The following PPP6R3 variants were observed in gnomAD, a reference collection of about 807,000 sequenced individuals.
PPP6R3 encodes the protein serine/threonine-protein phosphatase 6 regulatory subunit 3.
Under a neutral mutation model 110.7 loss-of-function variants are expected in PPP6R3, and 38 were observed. The ratio of observed to expected loss-of-function variants is 0.34; its 90% CI spans 0.26 to 0.45. The LOEUF (loss-of-function observed/expected upper bound fraction) is 0.45. PPP6R3 is among the 20% of genes least tolerant of loss of function. The pLI is 1.00. For synonymous variants in PPP6R3, 369 were observed against 373.5 expected (o/e 0.99, Z 0.14); for missense variants, 870 against 1,062.4 (o/e 0.82, Z 2.52).
chr11:68,510,917 A>G (rs569456007), intron 1 of PPP6R3, among the ~76,000 whole-genome samples: 16 of 152,266 alleles, frequency 1.1e-4, no homozygotes, highest in African/African-American at 3.4e-4. Flanking sequence ...GACATGGAAG[A>G]TAAGGATTGG....
intron 3 of PPP6R3, among the ~76,000 whole-genome samples, chr11:68,538,497 AC>A (rs2099284037): frequency 1.3e-5 from 2 of 152,146 alleles, no homozygotes; most frequent in South Asian, 4.1e-4. Flanking sequence ...TCCATATCCA[AC>A]TCTATTGAAA....
Position 68,590,511 on chromosome 11 carries a change from A to C in PPP6R3, c.1731-149A>C, listed in dbSNP as rs1366699000. ...AATACCAAGGGAGCTGGCATCATTT[A>C]ATATAAGAAGGTTGTTTCTGTTTGT... On this transcript the variant is annotated intron_variant, in intron 16 of 23. Transcript: ENST00000393800. 3 of 859,956 alleles carry C rather than the reference A, an allele frequency of 3.5e-6. No individual in the cohort carries two copies. In the African/African-American group the frequency reaches 5.1e-5, roughly 15 times the overall value. 53.3% of individuals were successfully genotyped at this position (859,956 alleles called of 1,614,324 possible). A position where few individuals can be genotyped will look rare whatever the true frequency, so the allele number is the denominator to read the frequency against.
At chr11:68,602,961 G>A (rs993246230) in intron 21 of PPP6R3, among the ~76,000 whole-genome samples, 2 of 152,120 alleles carry the variant, frequency 1.3e-5, no homozygotes, top group African/African-American at 4.8e-5. Flanking sequence ...ACAAAGCAAA[G>A]CAAATAGAGC....
intron 2 of PPP6R3, among the ~76,000 whole-genome samples, chr11:68,534,237 A>C (rs1340042462): frequency 6.6e-6 from 1 of 152,216 alleles, no homozygotes; most frequent in African/African-American, 2.4e-5. Flanking sequence ...TGCAGAAAGC[A>C]AAGTGGGTGT....
chr11:68,574,327 ACTT>A (rs1251518394), intron 13 of PPP6R3, 103 bp downstream of exon 13: 3 of 853,140 alleles, frequency 3.5e-6, no homozygotes, highest in East Asian at 2.7e-5. Context: ...GATTTGTGGG[ACTT>A]CTTTATATTT....
chr11:68,569,812 T>C lies in PPP6R3; in HGVS notation c.1193T>C (p.Leu398Pro), dbSNP rs765880615. The change falls in exon 11 of 24, where the codon CTG (leucine) becomes CCG (proline). Residue 398 changes from leucine (L) to proline (P), a missense_variant. Coordinates refer to ENST00000393800, the MANE Select transcript of PPP6R3 (RefSeq NM_001164161.2). ...LHTQVEICIALILASPFENTE... is the reference protein window; with the variant it reads ...LHTQVEICIAPILASPFENTE... ...ACACAAGTGGAAATTTGTATTGCAC[T>C]GATTCTTGCAAGTCCTTTTGAAAAC... is the stretch of plus-strand genomic sequence containing the variant. 6.8e-6 allele frequency: 11 copies of C among 1,611,260 alleles called. No homozygotes were observed. The highest frequency in any genetic ancestry group is 6.7e-5 in the East Asian group (3 of 44,788).
chr11:68,475,251 G>T (rs900682099), intron 1 of PPP6R3, among the ~76,000 whole-genome samples: 7 of 152,208 alleles, frequency 4.6e-5, no homozygotes, highest in Non-Finnish European at 7.3e-5. Context: ...TAGATCAACA[G>T]CATCCCAAGG....
intron 2 of PPP6R3, among the ~76,000 whole-genome samples, chr11:68,528,404 C>A (rs1484107820): frequency 7.4e-6 from 1 of 135,452 alleles, no homozygotes; most frequent in Non-Finnish European, 1.5e-5. Context: ...CTCTAGTAGG[C>A]ACCTGATATT....
At chr11:68,462,455 C>T (rs1237079889) in intron 1 of PPP6R3, among the ~76,000 whole-genome samples, 1 of 152,186 alleles carries the variant, frequency 6.6e-6, no homozygotes, top group African/African-American at 2.4e-5. Flanking sequence ...CCATCACAAG[C>T]TTAAGTCGGG....
intron 3 of PPP6R3, among the ~76,000 whole-genome samples, chr11:68,544,438 C>T (rs542247356): frequency 9.2e-5 from 14 of 152,310 alleles, no homozygotes; most frequent in African/African-American, 3.4e-4. Flanking sequence ...TCCTGGAAAC[C>T]AGTGTCCTCC....
intron 1 of PPP6R3, among the ~76,000 whole-genome samples, chr11:68,506,542 GTTAA>G (rs1438801364): frequency 2.0e-5 from 3 of 147,720 alleles, no homozygotes; most frequent in East Asian, 2.1e-4. Flanking sequence ...ATTAAATCAA[GTTAA>G]TTAACATTCA....
At chr11:68,612,992 G>GA (rs887788007) in intron 23 of PPP6R3, 74 bp from the exon 24 acceptor site, 51 of 1,610,048 alleles carry the variant, frequency 3.2e-5, no homozygotes, top group Non-Finnish European at 4.3e-5. Flanking sequence ...TGCCCTTGGG[G>GA]AGCTCAGCTA....
intron 3 of PPP6R3, among the ~76,000 whole-genome samples, chr11:68,539,832 G>A (rs2099301183): frequency 6.6e-6 from 1 of 152,212 alleles, no homozygotes; most frequent in Non-Finnish European, 1.5e-5. Context: ...TGAAGGTGGT[G>A]GGGTGGGCAG....
intron 1 of PPP6R3, among the ~76,000 whole-genome samples, chr11:68,466,717 A>G (rs2153226503): frequency 6.6e-6 from 1 of 152,250 alleles, no homozygotes; most frequent in East Asian, 1.9e-4. Context: ...GGTTCACACC[A>G]TTCTCCTGCC....
At chr11:68,515,783 C>T (rs2099133635) in intron 1 of PPP6R3, among the ~76,000 whole-genome samples, 1 of 152,208 alleles carries the variant, frequency 6.6e-6, no homozygotes, top group African/African-American at 2.4e-5. Context: ...TATAACCATG[C>T]TGGGAGTTAG....
At position 68,492,747 on chromosome 11, in the gene PPP6R3, A is replaced by T. The variant is rs535994105; in HGVS notation, c.-157-26754A>T. 3.3e-5 allele frequency among the ~76,000 whole-genome samples: 5 copies of T among 152,254 alleles called. No individual in the cohort carries two copies. The East Asian group carries it at 9.6e-4, about 29-fold the overall frequency. The stretch of plus-strand genomic sequence containing the variant: ...TTCCCCAGTGGCACATGAGGGTTCC[A>T]CTTTGCCCACATTAGCTAGCACCTC... On this transcript the variant is annotated intron_variant, in intron 1 of 23. Coordinates refer to ENST00000393800, the MANE Select transcript of PPP6R3 (RefSeq NM_001164161.2).
At chr11:68,483,844 A>G (rs1334187242) in intron 1 of PPP6R3, among the ~76,000 whole-genome samples, 1 of 152,212 alleles carries the variant, frequency 6.6e-6, no homozygotes, top group Non-Finnish European at 1.5e-5. Flanking sequence ...ATCATACAGA[A>G]TGGTTTCACT....
chr11:68,546,222 T>C (rs530665002), intron 4 of PPP6R3, among the ~76,000 whole-genome samples: 2 of 152,248 alleles, frequency 1.3e-5, no homozygotes, highest in Admixed American at 1.3e-4. Flanking sequence ...TCTCTTTTTT[T>C]CTGCCTTCTA....
intron 18 of PPP6R3, among the ~76,000 whole-genome samples, chr11:68,593,736 T>G (rs896405345): frequency 2.6e-5 from 4 of 152,180 alleles, no homozygotes; most frequent in Non-Finnish European, 5.9e-5. Flanking sequence ...AGACAGAGAT[T>G]GGCTGGGCAC....
Sources: allele counts gnomAD v4.1 joint callset (sites outside exome capture counted in the v4.1 genomes callset), GRCh38; gene constraint gnomAD v4.1.1; transcripts MANE v1.5; gene names NCBI Gene and HGNC (gene_info 2026-07-23, HGNC 2026-07-21).